Variants in CTSB observed in about 807,000 individuals in gnomAD.
CTSB encodes the protein cathepsin B.
Under a neutral mutation model 44.3 loss-of-function variants are expected in CTSB, and 57 were observed. The observed-to-expected ratio is 1.29, with a 90% CI of 1.04 to 1.60. The LOEUF (loss-of-function observed/expected upper bound fraction) is 1.60, where lower values mean the gene tolerates loss of function less well. Ranked by LOEUF, CTSB falls within the 40% of genes most tolerant of loss-of-function variation. The pLI, the probability that CTSB is intolerant of heterozygous loss-of-function variation, is 0.00. For synonymous variants in CTSB, 320 were observed against 168.0 expected (o/e 1.91, Z -7.00); for missense variants, 768 against 443.0 (o/e 1.73, Z -6.59).
chr8:11,846,016 C>G (rs1813256813), intron 8 of CTSB: 1 of 379,816 alleles, frequency 2.6e-6, no homozygotes, highest in East Asian at 4.2e-5. Flanking sequence ...AAATAGATTC[C>G]TACAAAATGT....
chr8:11,847,221 GCACGC>G, intron 7 of CTSB, 53 bp from the exon 8 acceptor site: 2 of 1,111,184 alleles, frequency 1.8e-6, no homozygotes, highest in Non-Finnish European at 1.4e-6. Flanking sequence ...GTGCCTCGTG[GCACGC>G]CACGGTCAGC....
At chr8:11,852,501 C>G in intron 3 of CTSB, 109 bp downstream of exon 3, 1 of 700,234 alleles carries the variant, frequency 1.4e-6, no homozygotes, top group Non-Finnish European at 2.4e-6. Context: ...CAGCCCTGGG[C>G]AGCATGAGCC....
Position 11,847,229 on chromosome 8 carries a change from C to A in CTSB, c.677-61G>T, listed in dbSNP as rs1220546163. The A allele has an allele frequency of 3.8e-6, 4 of 1,047,234 alleles. No individual in the cohort carries two copies. In the Admixed American group the frequency reaches 5.2e-5, roughly 14 times the overall value. The allele number at this position is 1,047,234 out of a possible 1,614,324, so 64.9% of individuals were successfully genotyped here. Reference sequence around the variant, plus strand: ...AGTGACCGTGCCTCGTGGCACGCCACGGTCAGCCAGTCACTGATTTCTGGT... The same window carrying A: ...AGTGACCGTGCCTCGTGGCACGCCAAGGTCAGCCAGTCACTGATTTCTGGT... On this transcript the variant is annotated intron_variant, in intron 7 of 9. Transcript: ENST00000353047.
rs188965897 is a variant in CTSB at position 11,861,895 on chromosome 8, C to T, written c.-26+6106G>A. On this transcript the variant is annotated intron_variant, in intron 1 of 9. Coordinates refer to ENST00000353047, the MANE Select transcript of CTSB (RefSeq NM_001908.5). ...TACACCAGGGTAGTTGAGGCTGACG[C>T]GAAGGCCAGCCACAGAAAGGCCTAG... is the stretch of plus-strand genomic sequence containing the variant. Among the ~76,000 whole-genome samples, 129 of 152,304 alleles carry T rather than the reference C, an allele frequency of 8.5e-4. 1 individual carries two copies. The highest frequency in any genetic ancestry group is 2.9e-3 in the African/African-American group (120 of 41,572).
At chr8:11,845,955 TAA>T (rs1813245162) in intron 8 of CTSB, among the ~76,000 whole-genome samples, 166 bp from the exon 9 acceptor site, 1 of 152,226 alleles carries the variant, frequency 6.6e-6, no homozygotes, top group African/African-American at 2.4e-5. Flanking sequence ...ACTGGGGAAT[TAA>T]ATATATTTTT....
Position 11,845,764 on chromosome 8 carries a change from C to G in CTSB, c.819G>C (p.Glu273Asp), listed in dbSNP as rs1586076817. The change falls in exon 9 of 10, where the codon GAG (glutamate) becomes GAC (aspartate). Residue 273 changes from glutamate to aspartate, a missense_variant. Physicochemically the swap from Glu to Asp is conservative, Grantham distance 45 (BLOSUM62 2). Transcript: ENST00000353047. ...TGCGGATGGCATGGCCACCCATCAT[C>G]TCTCCGGTGACGTGTTGGTACACTC... ...KSGVYQHVTG[E>D]MMGGHAIRIL... The G allele has an allele frequency of 2.3e-5, 37 of 1,614,098 alleles. No individual in the cohort carries two copies. The highest frequency in any genetic ancestry group is 3.1e-5 in the Non-Finnish European group (36 of 1,179,966).
At chr8:11,859,431 A>G (rs1554551845) in intron 1 of CTSB, among the ~76,000 whole-genome samples, 1 of 152,098 alleles carries the variant, frequency 6.6e-6, no homozygotes, top group Non-Finnish European at 1.5e-5. Context: ...TGACACCCTT[A>G]AAGAATCAGT....
chr8:11,843,206 CA>C lies in CTSB; in HGVS notation c.*1918del, dbSNP rs1343322991. ...TTGTCATCCTCCCACCTTGGCCTCC[CA>C]AAGTGCTGGGATTACAGGCGTGAGC... On this transcript the variant is annotated 3_prime_UTR_variant, in exon 10 of 10. Coordinates refer to ENST00000353047, the MANE Select transcript of CTSB (RefSeq NM_001908.5). The C allele has an allele frequency of 6.6e-6, 1 of 152,268 alleles. No individual in the cohort carries two copies. The highest frequency in any genetic ancestry group is 2.4e-5 in the African/African-American group (1 of 41,434). The allele number at this position is 152,268 out of a possible 1,614,324, so 9.4% of individuals were successfully genotyped here.
intron 1 of CTSB, among the ~76,000 whole-genome samples, chr8:11,861,728 A>G (rs908524644): frequency 2.6e-4 from 39 of 152,240 alleles, no homozygotes; most frequent in African/African-American, 8.9e-4. Flanking sequence ...TCTGCATCGG[A>G]TACCAAAGGA....
intron 1 of CTSB, among the ~76,000 whole-genome samples, chr8:11,858,113 T>A (rs1203714165): frequency 6.6e-6 from 1 of 152,116 alleles, no homozygotes; most frequent in African/African-American, 2.4e-5. Flanking sequence ...CAGTCAAGAA[T>A]GAAATGAGGA....
At chr8:11,846,405 T>G (rs1265714253) in intron 8 of CTSB, 1 of 152,394 alleles carries the variant, frequency 6.6e-6, no homozygotes, top group African/African-American at 2.4e-5. Flanking sequence ...TCATCTTCCT[T>G]TGTCAAACTG....
intron 3 of CTSB, among the ~76,000 whole-genome samples, chr8:11,851,184 T>C (rs974862373): frequency 6.7e-6 from 1 of 150,272 alleles, no homozygotes; most frequent in African/African-American, 2.4e-5. Context: ...GATTTTTTTT[T>C]TGGGTGGGAC....
intron 3 of CTSB, 38 bp downstream of exon 3, chr8:11,852,572 C>G (rs756650823): frequency 6.4e-7 from 1 of 1,551,300 alleles, no homozygotes; most frequent in African/African-American, 1.4e-5. Flanking sequence ...CAACGCCTGC[C>G]ACTCACATTA....
At chr8:11,846,752 G>A (rs973739567) in intron 8 of CTSB, among the ~76,000 whole-genome samples, 16 of 152,226 alleles carry the variant, frequency 1.1e-4, no homozygotes, top group Non-Finnish European at 2.2e-4. Context: ...ACCAGGGAGG[G>A]GGGCGTTCCC....
In CTSB at chr8:11,851,974, G is replaced by T. The variant is rs571482196; in HGVS notation, c.212+636C>A. On this transcript the variant is annotated intron_variant, in intron 3 of 9. Coordinates refer to ENST00000353047, the MANE Select transcript of CTSB (RefSeq NM_001908.5). The stretch of plus-strand genomic sequence containing the variant: ...GAGCCACCATACTTGGCCTCATCTG[G>T]CTTTTCTTAGATTTCCCTTAAATTA... Among the ~76,000 whole-genome samples, 8 of 152,244 alleles carry T rather than the reference G, an allele frequency of 5.3e-5. No homozygotes were observed. In the East Asian group the frequency reaches 1.4e-3, roughly 26 times the overall value.
chr8:11,865,021 C>T (rs924294283), intron 1 of CTSB, among the ~76,000 whole-genome samples: 2 of 152,108 alleles, frequency 1.3e-5, no homozygotes, highest in Non-Finnish European at 2.9e-5. Flanking sequence ...CATGCCAGGG[C>T]GCAAGGTTTG....
At chr8:11,847,491 G>C (rs1813619711) in intron 7 of CTSB, among the ~76,000 whole-genome samples, 188 bp downstream of exon 7, 1 of 152,202 alleles carries the variant, frequency 6.6e-6, no homozygotes, top group Admixed American at 6.5e-5. Flanking sequence ...GCTGAGTTCA[G>C]GGTGGAACAG....
In CTSB at chr8:11,844,804, C is replaced by T. The variant is rs709822; in HGVS notation, c.*321G>A. 3.3e-5 allele frequency: 9 copies of T among 270,782 alleles called. No homozygotes were observed. The highest frequency in any genetic ancestry group is 6.3e-5 in the Non-Finnish European group (9 of 142,152). 16.8% of individuals were successfully genotyped at this position (270,782 alleles called of 1,614,324 possible). A position where few individuals can be genotyped will look rare whatever the true frequency, so the allele number is the denominator to read the frequency against. ...TTAGGAACTCCGCTTTCCATTCCTGCGTCTCTGTCTTGCTCCCTGGAGATG... is the reference window on the plus strand; with the variant it reads ...TTAGGAACTCCGCTTTCCATTCCTGTGTCTCTGTCTTGCTCCCTGGAGATG... On this transcript the variant is annotated 3_prime_UTR_variant, in exon 10 of 10. Transcript: ENST00000353047.
chr8:11,858,535 C>A (rs1291701497), intron 1 of CTSB, among the ~76,000 whole-genome samples: 2 of 152,202 alleles, frequency 1.3e-5, no homozygotes, highest in Non-Finnish European at 2.9e-5. Context: ...AGTGATCTGC[C>A]CGCCTTGGCC....
Sources: allele counts gnomAD v4.1 joint callset (sites outside exome capture counted in the v4.1 genomes callset), GRCh38; gene constraint gnomAD v4.1.1; transcripts MANE v1.5; gene names NCBI Gene and HGNC (gene_info 2026-07-23, HGNC 2026-07-21).